Variants in KCNH1 observed in about 807,000 individuals in gnomAD.
The protein encoded by KCNH1 is potassium voltage-gated channel subfamily H member 1, also known as voltage-gated delayed rectifier potassium channel KCNH1.
A neutral mutation model predicts 69.2 loss-of-function variants in KCNH1; 27 were observed. That is an observed-to-expected ratio of 0.39 (90% confidence interval 0.29 to 0.54). The LOEUF (loss-of-function observed/expected upper bound fraction) is 0.54. KCNH1 is among the 20% of genes least tolerant of loss of function. KCNH1 has a pLI of 0.68. For synonymous variants in KCNH1, 456 were observed against 487.7 expected, an observed-to-expected ratio of 0.93 and a Z score of 0.86; for missense variants, 798 against 1,261.6, an observed-to-expected ratio of 0.63 and a Z score of 5.57.
chr1:210,770,626 T>G (rs1223004265), intron 10 of KCNH1, among the ~76,000 whole-genome samples: 3 of 152,240 alleles, frequency 2.0e-5, no homozygotes, highest in Non-Finnish European at 4.4e-5. Flanking sequence ...CACATCCAGC[T>G]ACTTGCTGTG....
At chr1:210,968,373 G>T in intron 6 of KCNH1, among the ~76,000 whole-genome samples, 1 of 138,190 alleles carries the variant, frequency 7.2e-6, no homozygotes, top group Non-Finnish European at 1.5e-5. Flanking sequence ...AATCCTTTGG[G>T]TATATACCCA....
chr1:210,979,791 C>G (rs185146849), intron 6 of KCNH1, among the ~76,000 whole-genome samples: 1 of 152,156 alleles, frequency 6.6e-6, no homozygotes, highest in Non-Finnish European at 1.5e-5. Context: ...CTTCAGCACA[C>G]CCTATGTAAT....
At chr1:210,814,316 G>T (rs1684770431) in intron 7 of KCNH1, among the ~76,000 whole-genome samples, 1 of 151,678 alleles carries the variant, frequency 6.6e-6, no homozygotes, top group Admixed American at 6.6e-5. Flanking sequence ...TTAATAAGTG[G>T]GATAATATAT....
chr1:210,874,212 G>A (rs537306164), intron 7 of KCNH1, among the ~76,000 whole-genome samples: 1 of 152,234 alleles, frequency 6.6e-6, no homozygotes, highest in Non-Finnish European at 1.5e-5. Context: ...CCATGTGGAG[G>A]TGAAGGACAG....
intron 10 of KCNH1, among the ~76,000 whole-genome samples, chr1:210,722,554 C>T (rs1481892673): frequency 6.6e-6 from 1 of 152,148 alleles, no homozygotes; most frequent in African/African-American, 2.4e-5. Context: ...TGAGTCCTGC[C>T]CTCTACTGCT....
intron 7 of KCNH1, among the ~76,000 whole-genome samples, chr1:210,828,982 G>A (rs1419454606): frequency 6.6e-6 from 1 of 152,200 alleles, no homozygotes; most frequent in South Asian, 2.1e-4. Flanking sequence ...CCCACAAGTT[G>A]AGAAGGCAGG....
At chr1:210,698,096 C>T (rs1391116435) in intron 10 of KCNH1, among the ~76,000 whole-genome samples, 1 of 152,328 alleles carries the variant, frequency 6.6e-6, no homozygotes, top group East Asian at 1.9e-4. Flanking sequence ...GGTATGTTCA[C>T]TCCAGGAGTA....
rs374844541 is a variant in KCNH1, at chr1:210,683,833, G to C, written c.2418C>G (p.Ser806=). 3.1e-6 allele frequency: 5 copies of C among 1,613,862 alleles called. No individual in the cohort carries two copies. The highest frequency in any genetic ancestry group is 3.4e-6 in the Non-Finnish European group (4 of 1,180,040). Residue 806 remains serine, a synonymous_variant, in exon 11 of 11, where the codon TCC becomes TCG. Transcript: ENST00000271751. The surrounding 1 kb of genome is among the most constrained non-coding windows in gnomAD (Gnocchi z 5.7). ...TPVSFQAAST[S]GVPDHAKLQA... is the part of the protein sequence containing the mutation. ...GTAGCTTTGCGTGGTCTGGCACCCC[G>C]GAGGTGGAGGCTGCCTGGAAGGATA...
At chr1:210,761,959 A>G (rs894787474) in intron 10 of KCNH1, among the ~76,000 whole-genome samples, 1 of 152,206 alleles carries the variant, frequency 6.6e-6, no homozygotes, top group East Asian at 1.9e-4. Context: ...TCTCATCTGC[A>G]CATGGAACGT....
intron 10 of KCNH1, among the ~76,000 whole-genome samples, chr1:210,721,048 GAT>G (rs1682442664): frequency 6.6e-6 from 1 of 152,078 alleles, no homozygotes; most frequent in Admixed American, 6.6e-5. Context: ...CTCCTCATTT[GAT>G]AGCTAGGACT....
At chr1:210,779,042 C>T (rs1287840628) in intron 9 of KCNH1, among the ~76,000 whole-genome samples, 4 of 152,096 alleles carry the variant, frequency 2.6e-5, no homozygotes, top group Admixed American at 6.5e-5. Flanking sequence ...CGGAATACAC[C>T]ATGAAATAAA....
chr1:210,841,380 T>C (rs1003704252), intron 7 of KCNH1, among the ~76,000 whole-genome samples: 1 of 152,200 alleles, frequency 6.6e-6, no homozygotes, highest in African/African-American at 2.4e-5. Context: ...TGGGATCCTC[T>C]ACATTTTCAA....
At chr1:210,813,519 T>G (rs889528918) in intron 7 of KCNH1, among the ~76,000 whole-genome samples, 2 of 152,226 alleles carry the variant, frequency 1.3e-5, no homozygotes, top group East Asian at 3.8e-4. Flanking sequence ...TTATTCAATT[T>G]CATCCAGCCC....
At chr1:210,890,144 T>C (rs548207774) in intron 7 of KCNH1, among the ~76,000 whole-genome samples, 50 of 152,206 alleles carry the variant, frequency 3.3e-4, no homozygotes, top group African/African-American at 1.1e-3. Context: ...TGTCAAACTA[T>C]ACTACAAGGC....
At chr1:210,689,949 C>G (rs1681492907) in intron 10 of KCNH1, among the ~76,000 whole-genome samples, 1 of 152,220 alleles carries the variant, frequency 6.6e-6, no homozygotes, top group African/African-American at 2.4e-5. Context: ...ATGGTGAGGT[C>G]ACTGCTACTC....
At chr1:210,950,879 C>T (rs1036023729) in intron 6 of KCNH1, among the ~76,000 whole-genome samples, 4 of 152,162 alleles carry the variant, frequency 2.6e-5, no homozygotes, top group African/African-American at 9.7e-5. Context: ...AAGTGCCAGG[C>T]CCAGCCCTGG....
intron 7 of KCNH1, chr1:210,859,536 A>T: frequency 6.3e-7 from 1 of 1,594,320 alleles, no homozygotes; most frequent in Non-Finnish European, 8.6e-7. Context: ...GCTTAGCCAG[A>T]ATCTCCAAAT....
intron 6 of KCNH1, among the ~76,000 whole-genome samples, chr1:210,967,214 C>A (rs984845204): frequency 7.2e-5 from 11 of 151,986 alleles, no homozygotes; most frequent in African/African-American, 2.7e-4. Context: ...AGGAGGAATA[C>A]ATAATGTAGA....
chr1:211,004,381 C>T lies in KCNH1; in HGVS notation c.1032+14402G>A, dbSNP rs556970554. Reference sequence around the variant, plus strand: ...TGAATATACATATAGTATATATATGCTTGAAAATAATAACATATAAGAAAG... The same window carrying T: ...TGAATATACATATAGTATATATATGTTTGAAAATAATAACATATAAGAAAG... On this transcript the variant is annotated intron_variant, in intron 6 of 10. Coordinates refer to ENST00000271751, the MANE Select transcript of KCNH1 (RefSeq NM_172362.3). Among the ~76,000 whole-genome samples, 5 of 152,042 alleles carry T rather than the reference C, an allele frequency of 3.3e-5. No homozygotes were observed. In the East Asian group the frequency reaches 9.7e-4, roughly 29 times the overall value.
Sources: gnomAD v4.1 joint callset for allele counts (sites outside exome capture counted in the v4.1 genomes callset) on GRCh38, gnomAD v4.1.1 for gene constraint, Gnocchi (gnomAD v3.1) non-coding constraint, MANE v1.5 for transcripts, NCBI Gene and HGNC (gene_info 2026-07-23, HGNC 2026-07-21) for gene names.